Variants in SLC30A8 observed in about 807,000 individuals in gnomAD.
SLC30A8 encodes proton-coupled zinc antiporter SLC30A8.
A neutral mutation model predicts 36.9 loss-of-function variants in SLC30A8; 27 were observed. That is an observed-to-expected ratio of 0.73 (90% CI 0.54 to 1.01). The LOEUF is 1.01. SLC30A8 is among the 50% of genes least tolerant of loss of function. The pLI is 0.00. For missense variants in SLC30A8, 439 were observed against 452.0 expected (o/e 0.97, Z 0.26); for synonymous variants, 164 against 172.4 (o/e 0.95, Z 0.38).
At chr8:116,986,282 A>T (rs1815441104) in intron 1 of SLC30A8, among the ~76,000 whole-genome samples, 1 of 152,144 alleles carries the variant, frequency 6.6e-6, no homozygotes, top group Admixed American at 6.5e-5. Flanking sequence ...AGCACTGGGG[A>T]CATAAGCATT....
intron 2 of SLC30A8, chr8:117,056,276 A>G (rs1376576237): frequency 6.6e-6 from 1 of 152,202 alleles, no homozygotes; most frequent in African/African-American, 2.4e-5. Flanking sequence ...ATTGCCACCT[A>G]CTGTTGTCCA....
At position 117,052,474 on chromosome 8, in the gene SLC30A8, T is replaced by A. The variant is rs111720923; in HGVS notation, c.-226+13216T>A. Among the ~76,000 whole-genome samples the A allele has an allele frequency of 3.4e-3, 524 of 152,370 alleles. 2 individuals carry two copies. Among genetic ancestry groups the A allele is most frequent in the Non-Finnish European group, 6.2e-3 (424 of 68,030 alleles). On this transcript the variant is annotated intron_variant, in intron 2 of 10. Transcript: ENST00000427715. ...CTATGTTTTGTATCAGCACAATACA[T>A]TTTTTAGGTACAGTTTTAACACAGT...
At chr8:117,057,562 C>T (rs1563572383) in intron 2 of SLC30A8, among the ~76,000 whole-genome samples, 3 of 150,862 alleles carry the variant, frequency 2.0e-5, no homozygotes, top group Admixed American at 6.6e-5. Context: ...ATATTACTCT[C>T]TGGTTTTATG....
At chr8:117,071,374 C>A (rs958598246) in intron 2 of SLC30A8, among the ~76,000 whole-genome samples, 7 of 151,996 alleles carry the variant, frequency 4.6e-5, no homozygotes, top group Admixed American at 2.6e-4. Flanking sequence ...TGTTGAGATC[C>A]TTTGCCCATG....
At chr8:117,035,415 G>T (rs1817182144) in intron 1 of SLC30A8, among the ~76,000 whole-genome samples, 2 of 152,218 alleles carry the variant, frequency 1.3e-5, no homozygotes, top group Admixed American at 1.3e-4. Context: ...GCTCCAAAAT[G>T]ATCTCCTTTG....
chr8:117,011,472 A>G (rs1816342748), intron 1 of SLC30A8, among the ~76,000 whole-genome samples: 1 of 152,202 alleles, frequency 6.6e-6, no homozygotes. Flanking sequence ...TAGTTTCCAA[A>G]TTAAACACTT....
intron 1 of SLC30A8, among the ~76,000 whole-genome samples, chr8:116,992,988 A>C (rs1815697777): frequency 6.6e-6 from 1 of 152,036 alleles, no homozygotes; most frequent in Non-Finnish European, 1.5e-5. Context: ...ATAGAGATTA[A>C]AGTTTCAGAG....
intron 1 of SLC30A8, among the ~76,000 whole-genome samples, chr8:116,965,683 C>G (rs1225255872): frequency 1.3e-5 from 2 of 152,130 alleles, no homozygotes; most frequent in Admixed American, 6.5e-5. Flanking sequence ...TGAGCATTCT[C>G]TTTCCCCTCC....
chr8:117,032,822 G>A (rs1052959875), intron 1 of SLC30A8, among the ~76,000 whole-genome samples: 7 of 151,992 alleles, frequency 4.6e-5, no homozygotes, highest in Admixed American at 1.3e-4. Flanking sequence ...CCCTGGAGGC[G>A]GAGGTTGCAA....
At chr8:117,080,853 G>A (rs1199993676) in intron 2 of SLC30A8, among the ~76,000 whole-genome samples, 5 of 152,106 alleles carry the variant, frequency 3.3e-5, no homozygotes, top group African/African-American at 1.2e-4. Flanking sequence ...TTTATACTTA[G>A]TAGTGGGATT....
At chr8:117,058,395 A>T (rs1337198503) in intron 2 of SLC30A8, among the ~76,000 whole-genome samples, 1 of 152,096 alleles carries the variant, frequency 6.6e-6, no homozygotes, top group Non-Finnish European at 1.5e-5. Context: ...ATGTAGTCCC[A>T]CTTGTCTGTT....
intron 2 of SLC30A8, among the ~76,000 whole-genome samples, chr8:117,060,196 G>A (rs910276800): frequency 2.0e-5 from 3 of 152,010 alleles, no homozygotes; most frequent in African/African-American, 7.2e-5. Flanking sequence ...TTTATTTATA[G>A]AGCTCAGGAG....
intron 1 of SLC30A8, among the ~76,000 whole-genome samples, chr8:117,037,329 T>A (rs1817245932): frequency 6.6e-6 from 1 of 152,192 alleles, no homozygotes. Flanking sequence ...TTGAGCAGAT[T>A]TCCCATACTG....
At chr8:117,044,234 T>C (rs1817477238) in intron 2 of SLC30A8, among the ~76,000 whole-genome samples, 1 of 152,198 alleles carries the variant, frequency 6.6e-6, no homozygotes, top group African/African-American at 2.4e-5. Flanking sequence ...TTCACCATTG[T>C]TTCTGGGGCT....
intron 2 of SLC30A8, among the ~76,000 whole-genome samples, chr8:117,040,908 T>C (rs1456779773): frequency 6.6e-6 from 1 of 152,120 alleles, no homozygotes; most frequent in African/African-American, 2.4e-5. Flanking sequence ...CCAAGAGACA[T>C]ATATGCACGT....
chr8:117,129,207 A>G (rs909837974), intron 2 of SLC30A8, among the ~76,000 whole-genome samples: 11 of 152,040 alleles, frequency 7.2e-5, no homozygotes, highest in Admixed American at 5.2e-4. Context: ...TAGCACTGCA[A>G]TGGATGTGTT....
chr8:116,987,453 C>T (rs921728204), intron 1 of SLC30A8, among the ~76,000 whole-genome samples: 25 of 151,640 alleles, frequency 1.6e-4, no homozygotes, highest in African/African-American at 5.6e-4. Context: ...AAAATGCACA[C>T]GTAAAAATAA....
chr8:116,976,725 G>A (rs73701643), intron 1 of SLC30A8, among the ~76,000 whole-genome samples: 1,558 of 152,128 alleles, frequency 0.01, 31 homozygotes, highest in African/African-American at 0.036. Context: ...TGGGGTAGGG[G>A]GGTCTTACAA....
At chr8:117,009,820 A>G (rs1816289386) in intron 1 of SLC30A8, among the ~76,000 whole-genome samples, 1 of 152,246 alleles carries the variant, frequency 6.6e-6, no homozygotes, top group Non-Finnish European at 1.5e-5. Flanking sequence ...CACAATTCAC[A>G]TAAAATTATG....
Sources: allele counts gnomAD v4.1 joint callset (sites outside exome capture counted in the v4.1 genomes callset), GRCh38; gene constraint gnomAD v4.1.1; transcripts MANE v1.5; gene names NCBI Gene and HGNC (gene_info 2026-07-23, HGNC 2026-07-21).